The following USPL1 variants were observed in gnomAD, a reference collection of about 807,000 sequenced individuals.
USPL1 encodes the protein ubiquitin specific peptidase like 1.
In USPL1, 27 loss-of-function variants were observed where a neutral mutation model predicts 51.5. The ratio of observed to expected loss-of-function variants is 0.52; its 90% CI spans 0.39 to 0.72. The LOEUF is 0.72. USPL1 is among the 30% of genes least tolerant of loss of function. The pLI, the probability that USPL1 is intolerant of heterozygous loss-of-function variation, is 0.00. For missense variants in USPL1, 1,226 were observed against 1,268.0 expected, an observed-to-expected ratio of 0.97 and a Z score of 0.50; for synonymous variants, 451 against 459.6, an observed-to-expected ratio of 0.98 and a Z score of 0.24.
intron 6 of USPL1, among the ~76,000 whole-genome samples, chr13:30,646,341 CTGTG>C (rs34162894): frequency 1.3e-5 from 2 of 150,770 alleles, no homozygotes; most frequent in Non-Finnish European, 3.0e-5. Context: ...ACAATTAATG[CTGTG>C]TGTGTGTGTG....
chr13:30,629,063 T>C (rs1214363533), intron 3 of USPL1, among the ~76,000 whole-genome samples: 1 of 152,230 alleles, frequency 6.6e-6, no homozygotes. Flanking sequence ...AATCTAGAAC[T>C]TGTCCATTTA....
intron 1 of USPL1, among the ~76,000 whole-genome samples, chr13:30,620,245 A>G (rs1260178741): frequency 6.6e-6 from 1 of 152,162 alleles, no homozygotes; most frequent in East Asian, 1.9e-4. Flanking sequence ...TGGATTTGGG[A>G]AAGACTTATG....
At chr13:30,648,601 T>G (rs1951048541) in intron 7 of USPL1, among the ~76,000 whole-genome samples, 1 of 152,238 alleles carries the variant, frequency 6.6e-6, no homozygotes, top group Non-Finnish European at 1.5e-5. Context: ...ATGTCTTCAC[T>G]TTGCCCGTTC....
At chr13:30,637,925 A>T in intron 5 of USPL1, 68 bp downstream of exon 5, 1 of 1,171,602 alleles carries the variant, frequency 8.5e-7, no homozygotes. Context: ...CCTCATAAGG[A>T]AATATAATAC....
At chr13:30,626,171 G>A (rs1177495381) in intron 3 of USPL1, among the ~76,000 whole-genome samples, 2 of 152,036 alleles carry the variant, frequency 1.3e-5, no homozygotes, top group Admixed American at 6.6e-5. Context: ...CAAAATAGCC[G>A]GGTGTGGTGG....
chr13:30,621,992 C>T (rs902922996), intron 3 of USPL1, 100 bp downstream of exon 3: 40 of 865,812 alleles, frequency 4.6e-5, no homozygotes, highest in Non-Finnish European at 6.2e-5. Context: ...GTTTTTTAGA[C>T]TAGATTTTTA....
intron 3 of USPL1, among the ~76,000 whole-genome samples, chr13:30,624,927 TTAAA>T (rs1950691669): frequency 1.3e-5 from 2 of 152,204 alleles, no homozygotes; most frequent in Admixed American, 1.3e-4. Flanking sequence ...TTATTTTCCT[TTAAA>T]AACCTTTTGT....
At chr13:30,648,996 A>G (rs1454424108) in intron 7 of USPL1, among the ~76,000 whole-genome samples, 2 of 152,230 alleles carry the variant, frequency 1.3e-5, no homozygotes, top group Non-Finnish European at 2.9e-5. Context: ...CACTGAACAT[A>G]GACTCGTACC....
At chr13:30,652,939 A>T (rs762471156) in intron 7 of USPL1, among the ~76,000 whole-genome samples, 1 of 152,228 alleles carries the variant, frequency 6.6e-6, no homozygotes, top group Non-Finnish European at 1.5e-5. Context: ...ACTGTCTGGG[A>T]TACCATTCTG....
chr13:30,625,079 A>T (rs1272936129), intron 3 of USPL1, among the ~76,000 whole-genome samples: 2 of 152,206 alleles, frequency 1.3e-5, no homozygotes, highest in Non-Finnish European at 2.9e-5. Flanking sequence ...GTAGAAAGGA[A>T]AAAAAGCTTT....
At chr13:30,624,899 A>G (rs765140502) in intron 3 of USPL1, among the ~76,000 whole-genome samples, 2 of 152,144 alleles carry the variant, frequency 1.3e-5, no homozygotes, top group Non-Finnish European at 2.9e-5. Flanking sequence ...TTATCTCAAA[A>G]CAAGTATGTG....
chr13:30,631,728 C>T (rs1190601518), intron 4 of USPL1, among the ~76,000 whole-genome samples: 2 of 152,158 alleles, frequency 1.3e-5, no homozygotes, highest in African/African-American at 2.4e-5. Flanking sequence ...TGGGTGCAAG[C>T]ACCCTTCCCG....
In USPL1 at chr13:30,639,202, G is replaced by A. The variant is rs372927318; in HGVS notation, c.982+1345G>A. 3.3e-5 allele frequency among the ~76,000 whole-genome samples: 5 copies of A among 150,434 alleles called. No individual in the cohort carries two copies. The South Asian group carries it at 6.3e-4, about 19-fold the overall frequency. On this transcript the variant is annotated intron_variant, in intron 5 of 8. Coordinates refer to ENST00000255304, the MANE Select transcript of USPL1 (RefSeq NM_005800.5). ...TTGCATTCCAGCCTGGGGACAGAGC[G>A]AGACTCCGTCTCAAAAAATGTATAT... is the stretch of plus-strand genomic sequence containing the variant.
At chr13:30,649,409 T>G (rs1951059185) in intron 7 of USPL1, among the ~76,000 whole-genome samples, 1 of 152,228 alleles carries the variant, frequency 6.6e-6, no homozygotes, top group South Asian at 2.1e-4. Flanking sequence ...TCATATGTAA[T>G]TAAAACATAT....
intron 8 of USPL1, among the ~76,000 whole-genome samples, chr13:30,655,797 G>A (rs896955451): frequency 1.3e-5 from 2 of 152,202 alleles, no homozygotes; most frequent in African/African-American, 4.8e-5. Flanking sequence ...GGTGTGCACT[G>A]TTGTAATCCA....
In USPL1 at chr13:30,657,972, T is replaced by G. The variant is rs763522634; in HGVS notation, c.1895T>G (p.Met632Arg). The G allele has an allele frequency of 1.2e-6, 2 of 1,613,636 alleles. No homozygotes were observed. Among genetic ancestry groups the G allele is most frequent in the East Asian group, 4.5e-5 (2 of 44,876 alleles). Reference sequence around the variant, plus strand: ...ACTTTGCTATCACAAGAATCACTAATGGCTTCTTCAGTATCAGCTCCATGT... The same window carrying G: ...ACTTTGCTATCACAAGAATCACTAAGGGCTTCTTCAGTATCAGCTCCATGT... ...TNTLLSQESL[M>R]ASSVSAPCNE... Residue 632 changes from methionine (M) to arginine (R), a missense_variant, in exon 9 of 9, where the codon ATG (methionine) becomes AGG (arginine). Met to Arg is a moderately conservative substitution (Grantham distance 91, BLOSUM62 -1). Transcript: ENST00000255304.
At chr13:30,655,218 T>C (rs1438113859) in intron 8 of USPL1, among the ~76,000 whole-genome samples, 1 of 152,246 alleles carries the variant, frequency 6.6e-6, no homozygotes, top group Non-Finnish European at 1.5e-5. Flanking sequence ...ATTACAGGCA[T>C]GAGCCACCGC....
intron 3 of USPL1, 103 bp downstream of exon 3, chr13:30,621,995 G>T (rs999049196): frequency 3.1e-5 from 24 of 780,852 alleles, no homozygotes; most frequent in Non-Finnish European, 4.2e-5. Context: ...TTTTAGACTA[G>T]ATTTTTAATA....
rs747831506 is a variant in USPL1, at chr13:30,630,958, C to G, written c.352C>G (p.Leu118Val). ...AGAAAGCAGCTATAAGGATTCACTT[C>G]TTTTAGCAAATTCCAAAAAGACTAG... ...SLESSYKDSL[L>V]LANSKKTRNY... Residue 118 changes from leucine (L) to valine (V), a missense_variant, in exon 4 of 9, where the codon CTT becomes GTT. Leu to Val is a conservative substitution (Grantham distance 32). Coordinates refer to ENST00000255304, the MANE Select transcript of USPL1 (RefSeq NM_005800.5). The G allele has an allele frequency of 1.1e-5, 18 of 1,613,944 alleles. No individual in the cohort carries two copies. The highest frequency in any genetic ancestry group is 1.5e-5 in the Non-Finnish European group (18 of 1,180,034).
Sources: allele counts gnomAD v4.1 joint callset (sites outside exome capture counted in the v4.1 genomes callset), GRCh38; gene constraint gnomAD v4.1.1; transcripts MANE v1.5; gene names NCBI Gene and HGNC (gene_info 2026-07-23, HGNC 2026-07-21).